GPR39: variants seen among roughly 807,000 people sequenced by gnomAD.
GPR39 encodes the protein G protein-coupled receptor 39.
A neutral mutation model predicts 18.4 loss-of-function variants in GPR39; 23 were observed. The observed-to-expected ratio is 1.25, with a 90% CI of 0.90 to 1.77. The LOEUF is 1.77. Among genes scored for constraint, GPR39 ranks in the 40% most tolerant of loss-of-function variants. The pLI is 0.00. For missense variants in GPR39, 647 were observed against 602.4 expected, an observed-to-expected ratio of 1.07 and a Z score of -0.78; for synonymous variants, 280 against 257.9, an observed-to-expected ratio of 1.09 and a Z score of -0.82.
intron 1 of GPR39, among the ~76,000 whole-genome samples, chr2:132,429,323 T>G (rs1427331776): frequency 6.6e-6 from 1 of 152,232 alleles, no homozygotes; most frequent in East Asian, 1.9e-4. Context: ...GGAACTTGTT[T>G]TGGATGGTCA....
intron 1 of GPR39, among the ~76,000 whole-genome samples, chr2:132,599,730 G>A (rs72985807): frequency 0.014 from 2,146 of 151,040 alleles, 53 homozygotes; most frequent in African/African-American, 0.046. Context: ...GTGAATTGCC[G>A]CCATCTCTGA....
At chr2:132,469,078 G>C (rs910888402) in intron 1 of GPR39, among the ~76,000 whole-genome samples, 3 of 152,216 alleles carry the variant, frequency 2.0e-5, no homozygotes, top group African/African-American at 7.2e-5. Flanking sequence ...AAGGGCTTGG[G>C]ACATGTCTCT....
intron 1 of GPR39, among the ~76,000 whole-genome samples, chr2:132,449,229 G>GTT (rs1558801546): frequency 3.3e-4 from 50 of 151,980 alleles, no homozygotes; most frequent in African/African-American, 1.0e-3. Context: ...CCTTTCCTTC[G>GTT]TGTTTTTTTG....
intron 1 of GPR39, among the ~76,000 whole-genome samples, chr2:132,633,403 G>C (rs926460948): frequency 1.3e-5 from 2 of 150,174 alleles, no homozygotes; most frequent in African/African-American, 4.9e-5. Flanking sequence ...TAAGGCCTTA[G>C]GGCAGAGTGG....
intron 1 of GPR39, among the ~76,000 whole-genome samples, chr2:132,536,662 G>A (rs1679762291): frequency 6.6e-6 from 1 of 152,228 alleles, no homozygotes. Context: ...AATACTGACA[G>A]TGGGTGTTAA....
At chr2:132,425,583 A>G (rs1407212117) in intron 1 of GPR39, among the ~76,000 whole-genome samples, 1 of 152,174 alleles carries the variant, frequency 6.6e-6, no homozygotes, top group South Asian at 2.1e-4. Flanking sequence ...CCAGTTATTC[A>G]ATCAAACACT....
intron 1 of GPR39, among the ~76,000 whole-genome samples, chr2:132,477,009 G>A (rs1681143061): frequency 6.6e-6 from 1 of 152,208 alleles, no homozygotes; most frequent in African/African-American, 2.4e-5. Context: ...GCCTCTGGCT[G>A]TGGTGGGCTA....
chr2:132,485,173 G>T (rs535417561), intron 1 of GPR39, among the ~76,000 whole-genome samples: 460 of 152,314 alleles, frequency 3.0e-3, no homozygotes, highest in Admixed American at 6.7e-3. Context: ...TAAAATTTTT[G>T]TTTACACAAT....
chr2:132,549,729 A>G (rs1680009476), intron 1 of GPR39, among the ~76,000 whole-genome samples: 1 of 152,136 alleles, frequency 6.6e-6, no homozygotes, highest in Admixed American at 6.5e-5. Flanking sequence ...CGGAGGTTGC[A>G]GTGAGCCGAG....
At chr2:132,515,619 T>G (rs1266173407) in intron 1 of GPR39, among the ~76,000 whole-genome samples, 3 of 152,314 alleles carry the variant, frequency 2.0e-5, no homozygotes, top group South Asian at 2.1e-4. Context: ...TCTTCCTGCT[T>G]CTTCTCTCCT....
At chr2:132,446,886 G>A (rs1680547656) in intron 1 of GPR39, among the ~76,000 whole-genome samples, 1 of 152,132 alleles carries the variant, frequency 6.6e-6, no homozygotes, top group Admixed American at 6.5e-5. Flanking sequence ...AGAGACAAGT[G>A]TGCAATGGCA....
At chr2:132,634,220 G>A (rs529526416) in intron 1 of GPR39, among the ~76,000 whole-genome samples, 5 of 152,188 alleles carry the variant, frequency 3.3e-5, no homozygotes, top group African/African-American at 9.6e-5. Flanking sequence ...AGGTGAGATG[G>A]TCATAATTGA....
At chr2:132,485,619 T>G (rs1177469925) in intron 1 of GPR39, among the ~76,000 whole-genome samples, 1 of 152,278 alleles carries the variant, frequency 6.6e-6, no homozygotes, top group Non-Finnish European at 1.5e-5. Flanking sequence ...AGATTTCATC[T>G]CAGTAAACCA....
chr2:132,557,601 G>T (rs1680176786), intron 1 of GPR39, among the ~76,000 whole-genome samples: 1 of 148,762 alleles, frequency 6.7e-6, no homozygotes, highest in South Asian at 2.1e-4. Flanking sequence ...ATGAGAGAGA[G>T]AGAGAGAGAG....
intron 1 of GPR39, among the ~76,000 whole-genome samples, chr2:132,441,091 T>C (rs951766896): frequency 1.1e-4 from 17 of 152,236 alleles, no homozygotes; most frequent in Admixed American, 6.5e-5. Context: ...TGACTGTTTA[T>C]TTTCTTTATT....
At chr2:132,636,196 A>G (rs1681752717) in intron 1 of GPR39, among the ~76,000 whole-genome samples, 2 of 152,190 alleles carry the variant, frequency 1.3e-5, no homozygotes, top group Admixed American at 1.3e-4. Flanking sequence ...ATATAGGTCA[A>G]TATTATCTCC....
chr2:132,474,297 G>C (rs934252376), intron 1 of GPR39, among the ~76,000 whole-genome samples: 3 of 152,164 alleles, frequency 2.0e-5, no homozygotes, highest in African/African-American at 7.2e-5. Flanking sequence ...CTTTTCTTCA[G>C]TCTGCTGTCT....
chr2:132,463,843 A>G (rs1680876165), intron 1 of GPR39, among the ~76,000 whole-genome samples: 1 of 152,236 alleles, frequency 6.6e-6, no homozygotes, highest in Non-Finnish European at 1.5e-5. Context: ...CGGGATGGGC[A>G]GGACTGGAAT....
At chr2:132,435,118 G>A (rs755271900) in intron 1 of GPR39, among the ~76,000 whole-genome samples, 1 of 152,104 alleles carries the variant, frequency 6.6e-6, no homozygotes, top group African/African-American at 2.4e-5. Context: ...AAAGCAAACG[G>A]TGAAAGAAGG....
Sources: gnomAD v4.1 joint callset for allele counts (sites outside exome capture counted in the v4.1 genomes callset) on GRCh38, gnomAD v4.1.1 for gene constraint, MANE v1.5 for transcripts, NCBI Gene and HGNC (gene_info 2026-07-23, HGNC 2026-07-21) for gene names.